Variants in PHF14 observed in about 807,000 individuals in gnomAD.
PHF14 encodes PHD finger protein 14.
PHF14 carries 55 observed loss-of-function variants against 117.9 expected under a neutral mutation model. That is an observed-to-expected ratio of 0.47 (90% confidence interval 0.38 to 0.58). The LOEUF (loss-of-function observed/expected upper bound fraction) is 0.58, where lower values mean the gene tolerates loss of function less well. PHF14 is among the 20% of genes least tolerant of loss of function. The pLI, the probability that PHF14 is intolerant of heterozygous loss-of-function variation, is 0.00. For missense variants in PHF14, 978 were observed against 1,122.2 expected, an observed-to-expected ratio of 0.87 and a Z score of 1.84; for synonymous variants, 409 against 368.6, an observed-to-expected ratio of 1.11 and a Z score of -1.26.
At chr7:11,055,177 T>G (rs1784976826) in intron 14 of PHF14, among the ~76,000 whole-genome samples, 1 of 152,220 alleles carries the variant, frequency 6.6e-6, no homozygotes, top group Admixed American at 6.5e-5. Flanking sequence ...AAACTTTTAC[T>G]TACTTTTAGG....
chr7:11,007,202 A>G (rs1438436573), intron 4 of PHF14, among the ~76,000 whole-genome samples: 3 of 152,148 alleles, frequency 2.0e-5, no homozygotes, highest in Non-Finnish European at 2.9e-5. Context: ...TCACAAAAAA[A>G]AAAGAAAGAA....
At chr7:11,160,438 T>G (rs1760978906) in intron 17 of PHF14, among the ~76,000 whole-genome samples, 1 of 152,198 alleles carries the variant, frequency 6.6e-6, no homozygotes, top group South Asian at 2.1e-4. Flanking sequence ...GATTGATGGA[T>G]CTAATAGTAG....
intron 16 of PHF14, chr7:11,102,568 A>G (rs1415367221): frequency 6.2e-7 from 1 of 1,606,058 alleles, no homozygotes; most frequent in African/African-American, 1.3e-5. Context: ...TGATTTTAAA[A>G]ATGTGGATTA....
At chr7:11,060,800 A>G (rs934987649) in intron 14 of PHF14, among the ~76,000 whole-genome samples, 1 of 152,204 alleles carries the variant, frequency 6.6e-6, no homozygotes, top group Admixed American at 6.5e-5. Flanking sequence ...AAACAGATTC[A>G]TAGTTTATAA....
intron 16 of PHF14, chr7:11,106,368 C>T (rs13227984): frequency 0.032 from 31,518 of 976,974 alleles, 544 homozygotes; most frequent in Non-Finnish European, 0.036. Context: ...GGTTCAAGCC[C>T]TCCACGTTAG....
rs189396760 is a variant in PHF14 at position 11,074,179 on chromosome 7, C to G, written c.2654+12094C>G. ...GTTGCTCCACAACCACCTTGAATTC[C>G]TCTCCTGAAAATGCCTTTCCTTTTT... On this transcript the variant is annotated intron_variant, in intron 16 of 17. Coordinates refer to ENST00000634607, the MANE Select transcript of PHF14 (RefSeq NM_001007157.2). 2.8e-3 allele frequency among the ~76,000 whole-genome samples: 422 copies of G among 151,878 alleles called. 1 individual carries two copies. Among genetic ancestry groups the G allele is most frequent in the African/African-American group, 9.6e-3 (396 of 41,454 alleles).
intron 14 of PHF14, among the ~76,000 whole-genome samples, chr7:11,057,058 A>G (rs1785045520): frequency 6.6e-6 from 1 of 152,014 alleles, no homozygotes; most frequent in Admixed American, 6.5e-5. Context: ...ACCATATGTG[A>G]CTTACTTTAA....
intron 6 of PHF14, among the ~76,000 whole-genome samples, chr7:11,026,952 A>G (rs369429837): frequency 2.6e-5 from 4 of 152,098 alleles, no homozygotes; most frequent in African/African-American, 9.6e-5. Flanking sequence ...TCTAGACCTC[A>G]TTGTCTACTC....
chr7:11,031,012 TATGTA>T (rs1473897294), intron 7 of PHF14, among the ~76,000 whole-genome samples: 2 of 152,228 alleles, frequency 1.3e-5, no homozygotes, highest in Non-Finnish European at 2.9e-5. Context: ...CATAAGGATT[TATGTA>T]ATGTAATAGC....
At chr7:11,072,054 G>A (rs938292901) in intron 16 of PHF14, among the ~76,000 whole-genome samples, 1 of 152,138 alleles carries the variant, frequency 6.6e-6, no homozygotes, top group Admixed American at 6.5e-5. Flanking sequence ...TTCTTGCATA[G>A]CTGTAAAGAA....
At chr7:11,077,740 C>G (rs1354483446) in intron 16 of PHF14, among the ~76,000 whole-genome samples, 2 of 151,446 alleles carry the variant, frequency 1.3e-5, no homozygotes, top group African/African-American at 4.9e-5. Context: ...ATCATTATTA[C>G]TATTACTATA....
Position 11,111,355 on chromosome 7 carries a change from A to G in PHF14, c.2660A>G (p.Asp887Gly), listed in dbSNP as rs753092881. ...TAAATCTGTTTACCCTGCAGGTGTG[A>G]TGAATGCAGACTCTGCTACCATTTT... ...TGDNENLVRC[D>G]ECRLCYHFGC... Residue 887 changes from aspartate to glycine, a missense_variant, in exon 17 of 18, where the codon GAT becomes GGT. By Grantham distance (94) the Asp-to-Gly change is moderately conservative. Transcript: ENST00000634607. 1.3e-6 allele frequency: 2 copies of G among 1,563,286 alleles called. No individual in the cohort carries two copies. The highest frequency in any genetic ancestry group is 1.8e-6 in the Non-Finnish European group (2 of 1,137,100).
chr7:11,021,800 A>T (rs1225491029), intron 5 of PHF14, among the ~76,000 whole-genome samples: 1 of 152,160 alleles, frequency 6.6e-6, no homozygotes, highest in Non-Finnish European at 1.5e-5. Flanking sequence ...AATAAAAAAG[A>T]TAATTTTTTA....
chr7:11,110,882 G>A (rs1442516986), intron 16 of PHF14: 2 of 152,586 alleles, frequency 1.3e-5, no homozygotes, highest in African/African-American at 4.8e-5. Flanking sequence ...GCAACCTAGT[G>A]TAGCCTAGTA....
chr7:10,998,415 AATAT>A (rs1179526254), intron 4 of PHF14, among the ~76,000 whole-genome samples: 1 of 152,124 alleles, frequency 6.6e-6, no homozygotes, highest in African/African-American at 2.4e-5. Flanking sequence ...ATATACCTAA[AATAT>A]ATATGTATAC....
intron 13 of PHF14, among the ~76,000 whole-genome samples, chr7:11,048,116 A>G (rs1189151619): frequency 6.6e-6 from 1 of 152,194 alleles, no homozygotes; most frequent in Non-Finnish European, 1.5e-5. Context: ...CATGGGAATT[A>G]TAAATTTTAG....
At chr7:11,082,571 G>A (rs959785245) in intron 16 of PHF14, among the ~76,000 whole-genome samples, 1 of 152,102 alleles carries the variant, frequency 6.6e-6, no homozygotes, top group African/African-American at 2.4e-5. Flanking sequence ...TCAGCATTCA[G>A]TGCCTTTCTG....
Position 11,129,548 on chromosome 7 carries a change from C to CTT in PHF14, c.2772+18097_2772+18098dup, listed in dbSNP as rs71023891. Among the ~76,000 whole-genome samples, 865 of 133,422 alleles carry CTT rather than the reference C, an allele frequency of 6.5e-3. 14 individuals are homozygous for CTT. Among genetic ancestry groups the CTT allele is most frequent in the East Asian group, 0.03 (144 of 4,850 alleles). 87.5% of individuals were successfully genotyped at this position (133,422 alleles called of 152,430 possible). On this transcript the variant is annotated intron_variant, in intron 17 of 17. Transcript: ENST00000634607. ...AAATGCCTATTTTGTGTGTATGTTT[C>CTT]TTTTTTTTTTTTTTTTTGCCTTTAC...
chr7:10,987,433 T>A (rs1782263646), intron 3 of PHF14, among the ~76,000 whole-genome samples: 1 of 152,154 alleles, frequency 6.6e-6, no homozygotes, highest in African/African-American at 2.4e-5. Context: ...AATATATATA[T>A]ATAAATGAAC....
Sources: allele counts gnomAD v4.1 joint callset (sites outside exome capture counted in the v4.1 genomes callset), GRCh38; gene constraint gnomAD v4.1.1; transcripts MANE v1.5; gene names NCBI Gene and HGNC (gene_info 2026-07-23, HGNC 2026-07-21).